HIVEP2: variants seen among roughly 807,000 people sequenced by gnomAD.
HIVEP2 encodes the protein HIVEP zinc finger 2, also known as transcription factor HIVEP2.
HIVEP2 carries 14 observed loss-of-function variants against 180.7 expected under a neutral mutation model. The ratio of observed to expected loss-of-function variants is 0.08; its 90% CI spans 0.05 to 0.12. HIVEP2 has a LOEUF of 0.12. Ranked by LOEUF, HIVEP2 falls within the 10% of genes least tolerant of loss-of-function variation. The probability of loss-of-function intolerance (pLI) is 1.00; values close to 1 mark genes in which losing one functional copy is unlikely to be tolerated. For synonymous variants in HIVEP2, 1,184 were observed against 1,136.4 expected (o/e 1.04, Z -0.84); for missense variants, 2,579 against 3,008.5 (o/e 0.86, Z 3.34).
At chr6:142,896,880 C>T (rs531915750) in intron 1 of HIVEP2, among the ~76,000 whole-genome samples, 1 of 152,238 alleles carries the variant, frequency 6.6e-6, no homozygotes, top group Admixed American at 6.5e-5. Flanking sequence ...CACAATGATG[C>T]AGAAATGCTT....
rs2114648096 is a variant in HIVEP2 at position 142,770,675 on chromosome 6, T to C, written c.4064A>G (p.Gln1355Arg). 1 of 1,614,140 alleles carries C rather than the reference T, an allele frequency of 6.2e-7. No individual in the cohort carries two copies. Among genetic ancestry groups the C allele is most frequent in the Non-Finnish European group, 8.5e-7 (1 of 1,179,982 alleles). Residue 1355 changes from glutamine (Q) to arginine (R), a missense_variant, in exon 5 of 10, where the codon CAG (glutamine) becomes CGG (arginine). Physicochemically the swap from Gln to Arg is conservative, Grantham distance 43. Around this residue, in one of 11 missense-constraint regions of HIVEP2, gnomAD observed 523 missense variants for 577.0 expected, o/e 0.91. Transcript: ENST00000367603. This position sits in a 1 kb window ranked among gnomAD's most constrained non-coding sequence, Gnocchi z 4.7. Reference protein sequence around the residue: ...YGSVMYTSISQILGQNSPAIV... With the variant: ...YGSVMYTSISRILGQNSPAIV... ...GGCAGGGCTATTCTGCCCAAGTATCTGAGAAATGCTTGTGTACATGACACT... is the reference window on the plus strand; with the variant it reads ...GGCAGGGCTATTCTGCCCAAGTATCCGAGAAATGCTTGTGTACATGACACT...
chr6:142,889,758 A>G (rs1776808139), intron 1 of HIVEP2, among the ~76,000 whole-genome samples: 1 of 152,158 alleles, frequency 6.6e-6, no homozygotes, highest in Non-Finnish European at 1.5e-5. Context: ...CTGCTGTGCA[A>G]TTATACATAC....
chr6:142,889,998 A>T (rs531818581), intron 1 of HIVEP2, among the ~76,000 whole-genome samples: 1 of 152,310 alleles, frequency 6.6e-6, no homozygotes, highest in Non-Finnish European at 1.5e-5. Context: ...TAGCCCTGAC[A>T]TCAATGGAGC....
At chr6:142,913,576 G>T (rs1777472783) in intron 1 of HIVEP2, among the ~76,000 whole-genome samples, 1 of 152,202 alleles carries the variant, frequency 6.6e-6, no homozygotes, top group South Asian at 2.1e-4. Context: ...GGAAGAAAGA[G>T]GTGTCTACAG....
chr6:142,909,973 C>G (rs1401639617), intron 1 of HIVEP2, among the ~76,000 whole-genome samples: 1 of 152,218 alleles, frequency 6.6e-6, no homozygotes, highest in African/African-American at 2.4e-5. Flanking sequence ...CTATTTCCTT[C>G]TTCACTTTCA....
intron 1 of HIVEP2, among the ~76,000 whole-genome samples, chr6:142,916,987 G>A (rs1777568922): frequency 6.6e-6 from 1 of 152,146 alleles, no homozygotes; most frequent in Non-Finnish European, 1.5e-5. Flanking sequence ...TAGCATAATG[G>A]ACATACTATA....
chr6:142,865,681 C>T lies in HIVEP2; in HGVS notation c.-640-28634G>A, dbSNP rs117619170. 7.9e-4 allele frequency among the ~76,000 whole-genome samples: 120 copies of T among 152,192 alleles called. 1 individual carries two copies. In the Middle Eastern group the frequency reaches 0.01, roughly 13 times the overall value. Reference sequence around the variant, plus strand: ...TAAACAGGAATAGAACAGCCCAGTACATTGAAAAGAGGCACACCAAATGAA... The same window carrying T: ...TAAACAGGAATAGAACAGCCCAGTATATTGAAAAGAGGCACACCAAATGAA... On this transcript the variant is annotated intron_variant, in intron 1 of 9. Transcript: ENST00000367603.
At chr6:142,909,395 T>A (rs1263318899) in intron 1 of HIVEP2, among the ~76,000 whole-genome samples, 8 of 152,172 alleles carry the variant, frequency 5.3e-5, no homozygotes, top group East Asian at 1.9e-4. Flanking sequence ...TTAGTATATA[T>A]CTACATATAT....
chr6:142,857,482 C>G (rs1246888750), intron 1 of HIVEP2, among the ~76,000 whole-genome samples: 1 of 152,184 alleles, frequency 6.6e-6, no homozygotes, highest in Admixed American at 6.5e-5. Flanking sequence ...ATTATGCCTG[C>G]CTGTCTATAG....
At chr6:142,924,033 T>C (rs1018414481) in intron 1 of HIVEP2, among the ~76,000 whole-genome samples, 2 of 152,214 alleles carry the variant, frequency 1.3e-5, no homozygotes, top group Non-Finnish European at 1.5e-5. Context: ...TATAAATCAA[T>C]AGGTCAATGA....
Position 142,772,205 on chromosome 6 carries a change from G to A in HIVEP2, c.2534C>T (p.Pro845Leu). 1 of 1,614,162 alleles carries A rather than the reference G, an allele frequency of 6.2e-7. No homozygotes were observed. Among genetic ancestry groups the A allele is most frequent in the Non-Finnish European group, 8.5e-7 (1 of 1,180,024 alleles). ...ETCDSEISEA[P>L]VSPEWAPPGD... Reference sequence around the variant, plus strand: ...AGGTGGAGCCCACTCAGGACTCACTGGGGCTTCTGAAATCTCACTGTCACA... The same window carrying A: ...AGGTGGAGCCCACTCAGGACTCACTAGGGCTTCTGAAATCTCACTGTCACA... Residue 845 changes from proline to leucine, a missense_variant, in exon 5 of 10, where the codon CCA (proline) becomes CTA (leucine). By Grantham distance (98) the Pro-to-Leu change is moderately conservative. Transcript: ENST00000367603. This position sits in a 1 kb window ranked among gnomAD's most constrained non-coding sequence, Gnocchi z 4.9.
chr6:142,934,679 T>G (rs981107981), intron 1 of HIVEP2, among the ~76,000 whole-genome samples: 3 of 152,172 alleles, frequency 2.0e-5, no homozygotes. Flanking sequence ...CCATGGATAA[T>G]TAGAAGCTGA....
At chr6:142,823,409 A>C (rs1295154768) in intron 2 of HIVEP2, among the ~76,000 whole-genome samples, 2 of 152,194 alleles carry the variant, frequency 1.3e-5, no homozygotes, top group African/African-American at 4.8e-5. Flanking sequence ...CCAGTCAAAG[A>C]GTGACTGAGT....
In HIVEP2 at chr6:142,803,566, T is replaced by TACACACACACACACACACAC. The variant is rs10688831; in HGVS notation, c.-527-19971_-527-19952dup. On this transcript the variant is annotated intron_variant, in intron 2 of 9. Transcript: ENST00000367603. Reference sequence around the variant, plus strand: ...ACCCCAACTATATATATATATAGCATACACACACACACACACACACACACA... The same window carrying TACACACACACACACACACAC: ...ACCCCAACTATATATATATATAGCATACACACACACACACACACACACACACACACACACACACACACACA... Among the ~76,000 whole-genome samples the TACACACACACACACACACAC allele has an allele frequency of 4.2e-3, 597 of 141,704 alleles. 5 individuals are homozygous for TACACACACACACACACACAC. Among genetic ancestry groups the TACACACACACACACACACAC allele is most frequent in the African/African-American group, 0.011 (421 of 38,094 alleles). 93.0% of individuals were successfully genotyped at this position (141,704 alleles called of 152,430 possible). A position where few individuals can be genotyped will look rare whatever the true frequency, so the allele number is the denominator to read the frequency against.
intron 1 of HIVEP2, among the ~76,000 whole-genome samples, chr6:142,920,680 G>C (rs1777663262): frequency 6.6e-6 from 1 of 152,156 alleles, no homozygotes; most frequent in Non-Finnish European, 1.5e-5. Flanking sequence ...GACTAGTCTG[G>C]ATTAAAAATT....
At chr6:142,837,078 A>T (rs1212791717) in intron 1 of HIVEP2, 31 bp from the exon 2 acceptor site, 1 of 152,156 alleles carries the variant, frequency 6.6e-6, no homozygotes, top group Non-Finnish European at 1.5e-5. Flanking sequence ...AACTACATTT[A>T]AACCGGAGCG....
chr6:142,768,041 G>A (rs540183487), intron 6 of HIVEP2, among the ~76,000 whole-genome samples: 16 of 152,238 alleles, frequency 1.1e-4, no homozygotes, highest in Admixed American at 3.3e-4. Context: ...AAATATGTCC[G>A]TCAATAAAAC....
chr6:142,811,063 CAG>C (rs1488259637), intron 2 of HIVEP2, among the ~76,000 whole-genome samples: 3 of 152,154 alleles, frequency 2.0e-5, no homozygotes, highest in East Asian at 1.9e-4. Flanking sequence ...GTGTTTTGGA[CAG>C]AGTCTCCGAA....
At chr6:142,815,110 AC>A (rs1274946313) in intron 2 of HIVEP2, among the ~76,000 whole-genome samples, 1 of 151,994 alleles carries the variant, frequency 6.6e-6, no homozygotes. Context: ...AAGATAACAA[AC>A]CCACTTTCTC....
Sources: gnomAD v4.1 joint callset for allele counts (sites outside exome capture counted in the v4.1 genomes callset) on GRCh38, gnomAD v4.1.1 for gene constraint, gnomAD v4.1.1 regional missense constraint, Gnocchi (gnomAD v3.1) non-coding constraint, MANE v1.5 for transcripts, NCBI Gene and HGNC (gene_info 2026-07-23, HGNC 2026-07-21) for gene names.